Variants in GRID1 observed in about 807,000 individuals in gnomAD.
The protein encoded by GRID1 is glutamate receptor ionotropic, delta-1.
In GRID1, 28 loss-of-function variants were observed where a neutral mutation model predicts 98.0. The ratio of observed to expected loss-of-function variants is 0.29; its 90% CI spans 0.21 to 0.39. GRID1 has a LOEUF of 0.39. GRID1 is among the 10% of genes least tolerant of loss of function. The pLI is 1.00. For missense variants in GRID1, 1,111 were observed against 1,340.5 expected, an observed-to-expected ratio of 0.83 and a Z score of 2.67; for synonymous variants, 553 against 538.5, an observed-to-expected ratio of 1.03 and a Z score of -0.37.
rs141779715 is a variant in GRID1, at chr10:86,124,497, T to C, written c.726+14322A>G. On this transcript the variant is annotated intron_variant, in intron 4 of 15. Transcript: ENST00000327946. ...TCCTTCCAGTCTCTCAATAAACGCCTACTTCTTGGCATCATTGTCCCTAAC... is the reference window on the plus strand; with the variant it reads ...TCCTTCCAGTCTCTCAATAAACGCCCACTTCTTGGCATCATTGTCCCTAAC... Among the ~76,000 whole-genome samples, 1,012 of 152,296 alleles carry C rather than the reference T, an allele frequency of 6.6e-3. 8 individuals are homozygous for C. The highest frequency in any genetic ancestry group is 0.023 in the African/African-American group (948 of 41,554).
At chr10:85,825,380 A>T (rs1842809832) in intron 8 of GRID1, among the ~76,000 whole-genome samples, 1 of 138,128 alleles carries the variant, frequency 7.2e-6, no homozygotes. Flanking sequence ...TTCTGATGGG[A>T]TTGTTTTTTT....
intron 4 of GRID1, among the ~76,000 whole-genome samples, chr10:86,003,569 C>G (rs1040682908): frequency 6.6e-6 from 1 of 152,184 alleles, no homozygotes; most frequent in Non-Finnish European, 1.5e-5. Context: ...GGCAGCCACT[C>G]GTGGAGCCCA....
intron 13 of GRID1, among the ~76,000 whole-genome samples, chr10:85,640,284 G>C (rs1232862715): frequency 6.6e-6 from 1 of 152,232 alleles, no homozygotes; most frequent in Non-Finnish European, 1.5e-5. Context: ...GAGTGGCTGA[G>C]AGGGAAGGAG....
At chr10:86,350,130 T>C (rs1253724891) in intron 2 of GRID1, among the ~76,000 whole-genome samples, 1 of 152,012 alleles carries the variant, frequency 6.6e-6, no homozygotes, top group African/African-American at 2.4e-5. Flanking sequence ...GCTTGGGTTG[T>C]TGGAGAGATG....
chr10:86,213,217 G>A (rs1846130516), intron 2 of GRID1, among the ~76,000 whole-genome samples: 2 of 151,766 alleles, frequency 1.3e-5, no homozygotes, highest in African/African-American at 2.4e-5. Flanking sequence ...GTCAACTCAG[G>A]GTGGATCAAC....
At chr10:85,903,016 G>A (rs190489207) in intron 5 of GRID1, among the ~76,000 whole-genome samples, 60 of 152,074 alleles carry the variant, frequency 3.9e-4, no homozygotes, top group Admixed American at 9.2e-4. Context: ...GGGCCTCTTC[G>A]CATTTTTAGT....
At chr10:85,866,605 A>T (rs1843224073) in intron 6 of GRID1, among the ~76,000 whole-genome samples, 1 of 151,974 alleles carries the variant, frequency 6.6e-6, no homozygotes, top group Non-Finnish European at 1.5e-5. Flanking sequence ...CAGATTTCGG[A>T]TTTTCATATT....
At chr10:86,243,544 T>C (rs1846671426) in intron 2 of GRID1, among the ~76,000 whole-genome samples, 1 of 151,776 alleles carries the variant, frequency 6.6e-6, no homozygotes, top group African/African-American at 2.4e-5. Context: ...AGGCTCAGAG[T>C]GGTAAAGAAC....
intron 2 of GRID1, among the ~76,000 whole-genome samples, chr10:86,272,778 A>C (rs1052795593): frequency 2.6e-5 from 4 of 152,200 alleles, no homozygotes; most frequent in Non-Finnish European, 4.4e-5. Flanking sequence ...ACTCAAAAGT[A>C]CCTATTTATA....
At chr10:86,340,347 G>A (rs1848293132) in intron 2 of GRID1, among the ~76,000 whole-genome samples, 2 of 152,336 alleles carry the variant, frequency 1.3e-5, no homozygotes, top group Middle Eastern at 3.4e-3. Context: ...TCCCTAACTG[G>A]GCTGTGCTGT....
chr10:85,832,934 T>G (rs1233509646), intron 8 of GRID1, among the ~76,000 whole-genome samples: 1 of 151,842 alleles, frequency 6.6e-6, no homozygotes, highest in African/African-American at 2.4e-5. Flanking sequence ...AACCTGGGAC[T>G]CCCCTGAACC....
intron 8 of GRID1, among the ~76,000 whole-genome samples, chr10:85,834,985 T>A (rs1026685034): frequency 6.6e-6 from 1 of 152,130 alleles, no homozygotes; most frequent in Non-Finnish European, 1.5e-5. Flanking sequence ...GGTGGGTTAA[T>A]GTCAAAAAAT....
chr10:85,747,607 G>A (rs1842009415), intron 8 of GRID1, among the ~76,000 whole-genome samples: 2 of 152,142 alleles, frequency 1.3e-5, no homozygotes, highest in South Asian at 4.1e-4. Context: ...TTCACCCCCA[G>A]CACCAGAGTC....
chr10:85,718,449 G>A (rs1564569174), intron 12 of GRID1, among the ~76,000 whole-genome samples: 1 of 152,226 alleles, frequency 6.6e-6, no homozygotes, highest in African/African-American at 2.4e-5. Context: ...TGAGGGCCTT[G>A]CCCCCGCAGC....
intron 8 of GRID1, among the ~76,000 whole-genome samples, chr10:85,787,080 T>C (rs941954070): frequency 1.2e-4 from 19 of 152,210 alleles, no homozygotes; most frequent in African/African-American, 3.1e-4. Context: ...ACAGCACCCA[T>C]GGAAGACGAC....
Position 85,681,002 on chromosome 10 carries a change from G to A in GRID1, c.1998-33605C>T, listed in dbSNP as rs77755996. ...ACTCAGAAGGGTGGCACGGGGCTGA[G>A]GGAGGAGAAATTACCTTATGGGTAC... On this transcript the variant is annotated intron_variant, in intron 12 of 15. Coordinates refer to ENST00000327946, the MANE Select transcript of GRID1 (RefSeq NM_017551.3). Among the ~76,000 whole-genome samples the A allele has an allele frequency of 5.8e-3, 889 of 152,298 alleles. 14 individuals carry two copies. Among genetic ancestry groups the A allele is most frequent in the African/African-American group, 0.02 (852 of 41,570 alleles).
At chr10:86,226,259 T>A (rs987721924) in intron 2 of GRID1, among the ~76,000 whole-genome samples, 1 of 151,458 alleles carries the variant, frequency 6.6e-6, no homozygotes, top group African/African-American at 2.4e-5. Flanking sequence ...TGCAAAGCTA[T>A]TGAAAAGCCA....
At chr10:86,275,809 A>AT (rs1847260855) in intron 2 of GRID1, among the ~76,000 whole-genome samples, 1 of 152,168 alleles carries the variant, frequency 6.6e-6, no homozygotes, top group African/African-American at 2.4e-5. Flanking sequence ...TAACATACTC[A>AT]TTATGAGTGT....
At chr10:85,902,123 G>T (rs764174698) in intron 5 of GRID1, among the ~76,000 whole-genome samples, 2 of 152,170 alleles carry the variant, frequency 1.3e-5, no homozygotes, top group Non-Finnish European at 1.5e-5. Flanking sequence ...ATCTAATCAA[G>T]CAGCTCCCTC....
Sources: gnomAD v4.1 joint callset for allele counts (sites outside exome capture counted in the v4.1 genomes callset) on GRCh38, gnomAD v4.1.1 for gene constraint, MANE v1.5 for transcripts, NCBI Gene and HGNC (gene_info 2026-07-23, HGNC 2026-07-21) for gene names.